The following PIGQ variants were observed in gnomAD, a reference collection of about 807,000 sequenced individuals.
PIGQ encodes phosphatidylinositol glycan anchor biosynthesis class Q, also known as phosphatidylinositol N-acetylglucosaminyltransferase subunit Q.
In PIGQ, 54 loss-of-function variants were observed where a neutral mutation model predicts 60.3. The observed-to-expected ratio is 0.90, with a 90% CI of 0.72 to 1.12. The LOEUF (loss-of-function observed/expected upper bound fraction) is 1.12, where lower values mean the gene tolerates loss of function less well. Among genes scored for constraint, PIGQ ranks in the 50% most tolerant of loss-of-function variants. The pLI is 0.00. For synonymous variants in PIGQ, 416 were observed against 363.7 expected, an observed-to-expected ratio of 1.14 and a Z score of -1.64; for missense variants, 799 against 793.5, an observed-to-expected ratio of 1.01 and a Z score of -0.08.
At chr16:581,329 C>G in intron 9 of PIGQ, 1 of 1,246,188 alleles carries the variant, frequency 8.0e-7, no homozygotes, top group Non-Finnish European at 1.0e-6. Flanking sequence ...GCCAGCAGGG[C>G]GGCCACCATC....
At chr16:571,858 T>C (rs2035634872) in intron 1 of PIGQ, among the ~76,000 whole-genome samples, 2 of 151,744 alleles carry the variant, frequency 1.3e-5, no homozygotes. Flanking sequence ...GAAGAGTAGC[T>C]TCTGCCCTCC....
intron 1 of PIGQ, among the ~76,000 whole-genome samples, chr16:572,240 G>A (rs2035642606): frequency 6.6e-6 from 1 of 152,200 alleles, no homozygotes; most frequent in African/African-American, 2.4e-5. Context: ...TCCCTCTCAC[G>A]ATGTCCTTGG....
rs1022155004 is a variant in PIGQ at position 574,482 on chromosome 16, G to A, written c.408G>A (p.Val136=). The stretch of plus-strand genomic sequence containing the variant: ...TCATCTTCTATGACCAGCGCCAGGT[G>A]TTGCTGTCACAGCTACACCTGCCCA... ...VMLIFYDQRQ[V]LLSQLHLPTV... The change falls in exon 2 of 11, where the codon GTG becomes GTA. Residue 136 remains valine, a synonymous_variant. Transcript: ENST00000321878. The A allele has an allele frequency of 8.7e-6, 14 of 1,610,198 alleles. No individual in the cohort carries two copies. Among genetic ancestry groups the A allele is most frequent in the Non-Finnish European group, 1.2e-5 (14 of 1,178,942 alleles).
intron 1 of PIGQ, chr16:572,426 G>A (rs1400149520): frequency 2.3e-6 from 1 of 435,568 alleles, no homozygotes; most frequent in Admixed American, 2.4e-5. Context: ...TGCAGGGGAG[G>A]AGAGCAGCTG....
rs752126510 is a variant in PIGQ, at chr16:579,021, C to T, written c.1224-48C>T. 35 of 218,384 alleles carry T rather than the reference C, an allele frequency of 1.6e-4. No individual in the cohort carries two copies. The East Asian group carries it at 2.3e-3, about 14-fold the overall frequency. 13.5% of individuals were successfully genotyped at this position (218,384 alleles called of 1,614,324 possible). ...GGCGGGCGTTCGAGTGGGGCGGGGGCGGGGCGGGGCGGGGCGGGGCCGGGC... is the reference window on the plus strand; with the variant it reads ...GGCGGGCGTTCGAGTGGGGCGGGGGTGGGGCGGGGCGGGGCGGGGCCGGGC... On this transcript the variant is annotated intron_variant, in intron 6 of 10. Coordinates refer to ENST00000321878, the MANE Select transcript of PIGQ (RefSeq NM_004204.5).
At position 575,882 on chromosome 16, in the gene PIGQ, T is replaced by G; in HGVS notation, c.733T>G (p.Ser245Ala). The change falls in exon 3 of 11, where the codon TCC (serine) becomes GCC (alanine). Residue 245 changes from serine (S) to alanine (A), a missense_variant. By Grantham distance (99) the Ser-to-Ala change is moderately conservative (BLOSUM62 1). Transcript: ENST00000321878. ...CCTGTCCTTCCTCGGGAGCAAACTCTCCACGTGCGAACAGCTCCGGCACCG... is the reference window on the plus strand; with the variant it reads ...CCTGTCCTTCCTCGGGAGCAAACTCGCCACGTGCGAACAGCTCCGGCACCG... ...WPLSFLGSKL[S>A]TCEQLRHRLE... The G allele has an allele frequency of 6.4e-7, 1 of 1,574,160 alleles. No homozygotes were observed. The highest frequency in any genetic ancestry group is 1.2e-5 in the South Asian group (1 of 86,104).
At chr16:572,482 T>TC (rs2035648696) in intron 1 of PIGQ, 2 of 455,812 alleles carry the variant, frequency 4.4e-6, no homozygotes, top group African/African-American at 4.0e-5. Context: ...TGAGGCCTCT[T>TC]CCAGAGCCCC....
intron 1 of PIGQ, among the ~76,000 whole-genome samples, chr16:573,501 G>A (rs1484440128): frequency 1.3e-5 from 2 of 152,156 alleles, no homozygotes; most frequent in East Asian, 3.9e-4. Flanking sequence ...GGACCTTCTG[G>A]GGGGCTGCCC....
At chr16:581,928 T>A (rs2035816515) in intron 9 of PIGQ, 1 of 381,298 alleles carries the variant, frequency 2.6e-6, no homozygotes, top group Admixed American at 3.7e-5. Context: ...CACACCCGGC[T>A]AATTTTTGTA....
In PIGQ at chr16:574,412, A is replaced by C; in HGVS notation, c.338A>C (p.Gln113Pro). ...TFWSCEATHR[Q>P]APTAPGAPGE... is the part of the protein sequence containing the mutation. ...TGGAGCTGCGAGGCCACCCACCGGCAAGCGCCCACTGCCCCCGGTGCCCCT... is the reference window on the plus strand; with the variant it reads ...TGGAGCTGCGAGGCCACCCACCGGCCAGCGCCCACTGCCCCCGGTGCCCCT... Residue 113 changes from glutamine (Q) to proline (P), a missense_variant, in exon 2 of 11, where the codon CAA becomes CCA. Transcript: ENST00000321878. 1 of 1,610,822 alleles carries C rather than the reference A, an allele frequency of 6.2e-7. No homozygotes were observed. Among genetic ancestry groups the C allele is most frequent in the Non-Finnish European group, 8.5e-7 (1 of 1,179,292 alleles).
chr16:572,607 T>A, intron 1 of PIGQ: 2 of 454,756 alleles, frequency 4.4e-6, no homozygotes, highest in South Asian at 3.1e-5. Context: ...TCCTGGTCTG[T>A]TCCCTCATCC....
In PIGQ at chr16:574,358, G is replaced by A. The variant is rs146187126; in HGVS notation, c.284G>A (p.Arg95Gln). 1.4e-5 allele frequency: 23 copies of A among 1,609,772 alleles called. No homozygotes were observed. In the East Asian group the frequency reaches 2.7e-4, roughly 19 times the overall value. ...GAVFPHEPWL[R>Q]LCRERGGTFW... Reference sequence around the variant, plus strand: ...GTCTTCCCCCATGAGCCCTGGCTGCGGCTGTGCCGGGAGAGAGGCGGCACG... The same window carrying A: ...GTCTTCCCCCATGAGCCCTGGCTGCAGCTGTGCCGGGAGAGAGGCGGCACG... Residue 95 changes from arginine to glutamine, a missense_variant, in exon 2 of 11, where the codon CGG (arginine) becomes CAG (glutamine). By Grantham distance (43) the Arg-to-Gln change is conservative. Coordinates refer to ENST00000321878, the MANE Select transcript of PIGQ (RefSeq NM_004204.5).
In PIGQ at chr16:583,056, G is replaced by A. The variant is rs2035838435; in HGVS notation, c.*21G>A. 8 of 1,612,950 alleles carry A rather than the reference G, an allele frequency of 5.0e-6. No homozygotes were observed. In the East Asian group the frequency reaches 1.6e-4, roughly 31 times the overall value. ...ACTGAGGGAACTGCTGGCTCGCCTG[G>A]CACCACCACACGGCCACAGCCAGCC... On this transcript the variant is annotated 3_prime_UTR_variant, in exon 11 of 11. Coordinates refer to ENST00000321878, the MANE Select transcript of PIGQ (RefSeq NM_004204.5).
chr16:578,838 C>G lies in PIGQ; in HGVS notation c.1123C>G (p.Leu375Val), dbSNP rs758977690. Residue 375 changes from leucine to valine, a missense_variant, in exon 6 of 11, where the codon CTC becomes GTC. Coordinates refer to ENST00000321878, the MANE Select transcript of PIGQ (RefSeq NM_004204.5). ...FVEHILWHVG[L>V]SACLGLTVAL... ...GGAGCACATCCTTTGGCACGTGGGC[C>G]TCTCGGCCTGCCTGGGCCTGACGGT... 6.2e-7 allele frequency: 1 copy of G among 1,613,852 alleles called. No homozygotes were observed. Among genetic ancestry groups the G allele is most frequent in the Non-Finnish European group, 8.5e-7 (1 of 1,179,976 alleles).
chr16:575,131 T>C (rs2035697171), intron 2 of PIGQ, among the ~76,000 whole-genome samples: 1 of 152,188 alleles, frequency 6.6e-6, no homozygotes, highest in Non-Finnish European at 1.5e-5. Flanking sequence ...CTGGCCTCCC[T>C]GTAGCCCTGC....
intron 10 of PIGQ, 85 bp from the exon 11 acceptor site, chr16:582,798 C>T: frequency 7.0e-7 from 1 of 1,426,064 alleles, no homozygotes; most frequent in South Asian, 1.3e-5. Flanking sequence ...CTGGCCCTGC[C>T]TCACAACTGC....
intron 1 of PIGQ, among the ~76,000 whole-genome samples, chr16:571,097 G>C (rs1596380273): frequency 5.3e-5 from 1 of 19,012 alleles, no homozygotes; most frequent in African/African-American, 2.5e-4. Flanking sequence ...GTGTGTGTGT[G>C]TGTGTGTGTG....
In PIGQ at chr16:579,161, G is replaced by C; in HGVS notation, c.1316G>C (p.Cys439Ser). ...GTTCTGCGCCAGCGCGTGGACTCCTGTTCCTATGACCTGGACCAGGTATGG... is the reference window on the plus strand; with the variant it reads ...GTTCTGCGCCAGCGCGTGGACTCCTCTTCCTATGACCTGGACCAGGTATGG... The part of the protein sequence containing the change: ...WNVLRQRVDS[C>S]SYDLDQLFIG... The change falls in exon 7 of 11, where the codon TGT (cysteine) becomes TCT (serine). Residue 439 changes from cysteine (C) to serine (S), a missense_variant. Coordinates refer to ENST00000321878, the MANE Select transcript of PIGQ (RefSeq NM_004204.5). 1 of 1,612,794 alleles carries C rather than the reference G, an allele frequency of 6.2e-7. No individual in the cohort carries two copies. The highest frequency in any genetic ancestry group is 8.5e-7 in the Non-Finnish European group (1 of 1,179,658).
At chr16:577,359 T>TAC (rs2035735006) in intron 4 of PIGQ, 1 of 151,902 alleles carries the variant, frequency 6.6e-6, no homozygotes, top group Non-Finnish European at 1.5e-5. Context: ...GGGCGGATCA[T>TAC]GAGGTCAGGA....
Sources: gnomAD v4.1 joint callset for allele counts (sites outside exome capture counted in the v4.1 genomes callset) on GRCh38, gnomAD v4.1.1 for gene constraint, MANE v1.5 for transcripts, NCBI Gene and HGNC (gene_info 2026-07-23, HGNC 2026-07-21) for gene names.